The following ANKRD12 variants were observed in gnomAD, a reference collection of about 807,000 sequenced individuals.
ANKRD12 encodes ankyrin repeat domain-containing protein 12.
In ANKRD12, 85 loss-of-function variants were observed where a neutral mutation model predicts 183.4. The observed-to-expected ratio is 0.46, with a 90% CI of 0.39 to 0.56. ANKRD12 has a LOEUF of 0.56. ANKRD12 is among the 20% of genes least tolerant of loss of function. The pLI is 0.00. For missense variants in ANKRD12, 2,405 were observed against 2,357.1 expected, an observed-to-expected ratio of 1.02 and a Z score of -0.42; for synonymous variants, 914 against 800.2, an observed-to-expected ratio of 1.14 and a Z score of -2.40.
At chr18:9,144,857 CAT>C (rs915650251) in intron 1 of ANKRD12, among the ~76,000 whole-genome samples, 43 of 151,764 alleles carry the variant, frequency 2.8e-4, no homozygotes, top group Non-Finnish European at 4.1e-4. Context: ...ATTTGCATAT[CAT>C]ATTAATTATG....
chr18:9,259,021 A>G (rs2038804631), intron 9 of ANKRD12, 90 bp downstream of exon 9: 3 of 1,403,238 alleles, frequency 2.1e-6, no homozygotes, highest in African/African-American at 2.9e-5. Context: ...GTTTTCTAGT[A>G]GATAGATAAT....
chr18:9,171,555 G>A (rs745380485), intron 1 of ANKRD12, among the ~76,000 whole-genome samples: 10 of 152,118 alleles, frequency 6.6e-5, no homozygotes, highest in African/African-American at 1.4e-4. Context: ...TTTTGTAGTG[G>A]CTGGCAGCGG....
At chr18:9,180,492 C>G (rs780415430) in intron 1 of ANKRD12, among the ~76,000 whole-genome samples, 1 of 151,732 alleles carries the variant, frequency 6.6e-6, no homozygotes, top group Non-Finnish European at 1.5e-5. Flanking sequence ...TTTGTTCTTT[C>G]TGTTTTTCAT....
At chr18:9,163,045 A>G (rs967258406) in intron 1 of ANKRD12, among the ~76,000 whole-genome samples, 1 of 152,084 alleles carries the variant, frequency 6.6e-6, no homozygotes, top group Non-Finnish European at 1.5e-5. Flanking sequence ...CCTTAGTTTA[A>G]TTAGATCCCA....
At chr18:9,240,739 C>T (rs973767155) in intron 8 of ANKRD12, among the ~76,000 whole-genome samples, 2 of 152,058 alleles carry the variant, frequency 1.3e-5, no homozygotes, top group Non-Finnish European at 2.9e-5. Context: ...GAAAAATGCT[C>T]CATTAATAAA....
rs1237453512 is a variant in ANKRD12 at position 9,201,393 on chromosome 18, TGA to T, written c.236-3077_236-3076del. On this transcript the variant is annotated intron_variant, in intron 3 of 12. Coordinates refer to ENST00000262126, the MANE Select transcript of ANKRD12 (RefSeq NM_015208.5). ...TAAACAGCTGTCTTGAGGCTACATGTGAGAGAGTCTCTTCTTGGCCCTCAAAC... is the reference window on the plus strand; with the variant it reads ...TAAACAGCTGTCTTGAGGCTACATGTGAGAGTCTCTTCTTGGCCCTCAAAC... 2.0e-5 allele frequency among the ~76,000 whole-genome samples: 3 copies of T among 152,246 alleles called. No individual in the cohort carries two copies. The East Asian group carries it at 5.8e-4, about 29-fold the overall frequency.
intron 1 of ANKRD12, among the ~76,000 whole-genome samples, chr18:9,164,174 T>G (rs2143831772): frequency 6.6e-6 from 1 of 152,304 alleles, no homozygotes; most frequent in African/African-American, 2.4e-5. Flanking sequence ...ATATGGCTGT[T>G]ATTATTTTGT....
At chr18:9,248,490 AC>A (rs1276570935) in intron 8 of ANKRD12, among the ~76,000 whole-genome samples, 7 of 152,200 alleles carry the variant, frequency 4.6e-5, no homozygotes, top group Admixed American at 4.6e-4. Flanking sequence ...CCTCTGCTTC[AC>A]AATTGAACAG....
chr18:9,276,712 CA>C (rs56886509), intron 11 of ANKRD12, among the ~76,000 whole-genome samples: 1 of 141,622 alleles, frequency 7.1e-6, no homozygotes, highest in African/African-American at 2.6e-5. Context: ...GACCCTGTCT[CA>C]AAAAAAAACA....
intron 4 of ANKRD12, among the ~76,000 whole-genome samples, chr18:9,207,454 T>C (rs1187281589): frequency 2.6e-5 from 4 of 152,212 alleles, no homozygotes; most frequent in African/African-American, 9.6e-5. Context: ...AATTAGGAGC[T>C]CTGATTTTTC....
At position 9,278,526 on chromosome 18, in the gene ANKRD12, C is replaced by T. The variant is rs1320615078; in HGVS notation, c.5908-1023C>T. On this transcript the variant is annotated intron_variant, in intron 11 of 12. Transcript: ENST00000262126. The stretch of plus-strand genomic sequence containing the variant: ...TAAAAATGTGAGTAGTGGCCAGGCA[C>T]GGTGGCTTACGCCTGTATTCCCAGC... Among the ~76,000 whole-genome samples the T allele has an allele frequency of 2.6e-5, 4 of 152,314 alleles. No individual in the cohort carries two copies. The East Asian group carries it at 7.7e-4, about 29-fold the overall frequency.
intron 10 of ANKRD12, among the ~76,000 whole-genome samples, chr18:9,267,910 G>A (rs58861341): frequency 8.6e-4 from 131 of 152,064 alleles, no homozygotes; most frequent in African/African-American, 2.9e-3. Context: ...GAAGAATCAA[G>A]TAGACGCAAT....
chr18:9,229,238 C>T (rs1324491527), intron 8 of ANKRD12, among the ~76,000 whole-genome samples: 1 of 152,036 alleles, frequency 6.6e-6, no homozygotes, highest in African/African-American at 2.4e-5. Context: ...ATTCCTCCAG[C>T]TTTGTTCTAT....
At chr18:9,162,500 G>A (rs2031559916) in intron 1 of ANKRD12, among the ~76,000 whole-genome samples, 1 of 152,150 alleles carries the variant, frequency 6.6e-6, no homozygotes, top group South Asian at 2.1e-4. Flanking sequence ...GAAGAGTGGT[G>A]CAGTGAAGAT....
At chr18:9,172,679 G>C (rs1382009194) in intron 1 of ANKRD12, among the ~76,000 whole-genome samples, 1 of 152,052 alleles carries the variant, frequency 6.6e-6, no homozygotes, top group South Asian at 2.1e-4. Context: ...CTTTAGCTCA[G>C]CCAAGTTCAT....
At chr18:9,153,189 G>T (rs902670119) in intron 1 of ANKRD12, among the ~76,000 whole-genome samples, 1 of 152,046 alleles carries the variant, frequency 6.6e-6, no homozygotes, top group Non-Finnish European at 1.5e-5. Flanking sequence ...TTCAAACAGG[G>T]TATTTACATG....
At chr18:9,144,695 A>T (rs2078434426) in intron 1 of ANKRD12, among the ~76,000 whole-genome samples, 1 of 152,182 alleles carries the variant, frequency 6.6e-6, no homozygotes, top group African/African-American at 2.4e-5. Context: ...CCCATTTTGC[A>T]CCTAAGGTTC....
At chr18:9,226,249 C>T (rs1344214540) in intron 8 of ANKRD12, among the ~76,000 whole-genome samples, 1 of 151,914 alleles carries the variant, frequency 6.6e-6, no homozygotes, top group Non-Finnish European at 1.5e-5. Context: ...CATGATGAAA[C>T]CCCATCTCTA....
intron 8 of ANKRD12, among the ~76,000 whole-genome samples, chr18:9,246,380 C>T (rs4798790): frequency 0.79 from 120,615 of 152,140 alleles, 48,005 homozygotes; most frequent in Middle Eastern, 0.88. Flanking sequence ...ATATTAGATA[C>T]AAGAAAATAA....
Sources: allele counts gnomAD v4.1 joint callset (sites outside exome capture counted in the v4.1 genomes callset), GRCh38; gene constraint gnomAD v4.1.1; transcripts MANE v1.5; gene names NCBI Gene and HGNC (gene_info 2026-07-23, HGNC 2026-07-21).